The following ZNF814 variants were observed in gnomAD, a reference collection of about 807,000 sequenced individuals.
ZNF814 encodes zinc finger protein 814.
In ZNF814, 5 loss-of-function variants were observed where a neutral mutation model predicts 7.5. That is an observed-to-expected ratio of 0.67 (90% CI 0.35 to 1.40). The LOEUF (loss-of-function observed/expected upper bound fraction) is 1.40, where lower values mean the gene tolerates loss of function less well. Among genes scored for constraint, ZNF814 ranks in the 40% most tolerant of loss-of-function variants. ZNF814 has a pLI of 0.04. For missense variants in ZNF814, 962 were observed against 1,018.0 expected, an observed-to-expected ratio of 0.94 and a Z score of 0.75; for synonymous variants, 315 against 340.7, an observed-to-expected ratio of 0.92 and a Z score of 0.83.
chr19:57,900,839 A>ATTGTTTTTTTTTTTT, the ZNF814 span, among the ~76,000 whole-genome samples: 1 of 45,782 alleles, frequency 2.2e-5, no homozygotes. Flanking sequence ...CCATGGCTGC[A>ATTGTTTTTTTTTTTT]TTTTTTTTTT....
At chr19:57,892,872 A>C (rs972390233), upstream of ZNF814, among the ~76,000 whole-genome samples, 7 of 152,128 alleles carry the variant, frequency 4.6e-5, no homozygotes, top group Non-Finnish European at 8.8e-5. Context: ...TTGCCCAGAG[A>C]CCAAGTTGAA....
At chr19:57,876,291 G>C (rs1212837126) in intron 2 of ZNF814, among the ~76,000 whole-genome samples, 1 of 151,986 alleles carries the variant, frequency 6.6e-6, no homozygotes, top group Non-Finnish European at 1.5e-5. Flanking sequence ...CTCCTTCTGA[G>C]CCTATTATGC....
rs764434066 is a variant in ZNF814, at chr19:57,873,843, C to G, written c.1547G>C (p.Gly516Ala). ...NLVLHQRVHT[G>A]ARPYECGECG... ...TTCTCCACACTCATAAGGTCTTGCT[C>G]CAGTGTGAACTCGCTGGTGTAGAAC... Residue 516 changes from glycine to alanine, a missense_variant, in exon 3 of 3, where the codon GGA (glycine) becomes GCA (alanine). Gly to Ala is a moderately conservative substitution (Grantham distance 60). Around this residue, in one of 7 missense-constraint regions of ZNF814, gnomAD observed 665 missense variants for 551.4 expected, o/e 1.21. Coordinates refer to ENST00000435989, the MANE Select transcript of ZNF814 (RefSeq NM_001144989.2). The G allele has an allele frequency of 5.0e-6, 8 of 1,613,946 alleles. No individual in the cohort carries two copies. The highest frequency in any genetic ancestry group is 6.8e-6 in the Non-Finnish European group (8 of 1,179,970).
chr19:57,899,308 T>G, the ZNF814 span, among the ~76,000 whole-genome samples: 1 of 152,186 alleles, frequency 6.6e-6, no homozygotes, highest in Non-Finnish European at 1.5e-5. Flanking sequence ...TGGATGATAT[T>G]TTATGTGCAG....
chr19:57,872,859 A>T lies in ZNF814; in HGVS notation c.2531T>A (p.Leu844His). ...TCTCCAGTGTGAACTCTGGTGTACA[A>T]GGAGGTGAGACTTCTTGTTAAATAA... is the stretch of plus-strand genomic sequence containing the variant. Reference protein sequence around the residue: ...GKLFNKKSHLLVHQSSHWRKA... With the variant: ...GKLFNKKSHLHVHQSSHWRKA... Residue 844 changes from leucine to histidine, a missense_variant, in exon 3 of 3, where the codon CTT (leucine) becomes CAT (histidine). Physicochemically the swap from Leu to His is moderately conservative, Grantham distance 99. This residue lies in a region of ZNF814 where 665 missense variants were observed against 551.4 expected (regional missense o/e 1.21). Coordinates refer to ENST00000435989, the MANE Select transcript of ZNF814 (RefSeq NM_001144989.2). The T allele has an allele frequency of 6.2e-7, 1 of 1,611,982 alleles. No homozygotes were observed. The highest frequency in any genetic ancestry group is 8.5e-7 in the Non-Finnish European group (1 of 1,179,320).
rs1000045484 is a variant in ZNF814, at chr19:57,869,547, T to C, written c.*3275A>G. On this transcript the variant is annotated 3_prime_UTR_variant, in exon 3 of 3. Transcript: ENST00000435989. ...GGTGTTAAGTTCATTATTGTGACTA[T>C]GTTAATGGTTTCATGGGATTATATG... The C allele has an allele frequency of 6.6e-6, 1 of 152,152 alleles. No homozygotes were observed. 9.4% of individuals were successfully genotyped at this position (152,152 alleles called of 1,614,324 possible).
At position 57,873,465 on chromosome 19, in the gene ZNF814, T is replaced by C. The variant is rs749651347; in HGVS notation, c.1925A>G (p.Asn642Ser). ...YKCGDCGKSF[N>S]EKGHLRNHQR... ...ATGATTCCTAAGGTGTCCTTTTTCA[T>C]TAAAAGATTTCCCACAGTCTCCACA... is the stretch of plus-strand genomic sequence containing the variant. Residue 642 changes from asparagine (N) to serine (S), a missense_variant, in exon 3 of 3, where the codon AAT becomes AGT. Coordinates refer to ENST00000435989, the MANE Select transcript of ZNF814 (RefSeq NM_001144989.2). 11 of 1,613,894 alleles carry C rather than the reference T, an allele frequency of 6.8e-6. No homozygotes were observed. Among genetic ancestry groups the C allele is most frequent in the South Asian group, 3.3e-5 (3 of 91,070 alleles).
In ZNF814 at chr19:57,874,395, G is replaced by A. The variant is rs762926486; in HGVS notation, c.995C>T (p.Ser332Leu). Residue 332 changes from serine (S) to leucine (L), a missense_variant, in exon 3 of 3, where the codon TCG becomes TTG. Coordinates refer to ENST00000435989, the MANE Select transcript of ZNF814 (RefSeq NM_001144989.2). ...RPYECGECGK[S>L]FSKYASFSNH... is the part of the protein sequence containing the mutation. ...ACTGAAGCTAGCATATTTGCTAAAC[G>A]ATTTCCCACATTCTCCACATTCATA... 1.4e-5 allele frequency: 21 copies of A among 1,528,190 alleles called. 1 individual carries two copies. In the South Asian group the frequency reaches 1.9e-4, roughly 14 times the overall value. 94.7% of individuals were successfully genotyped at this position (1,528,190 alleles called of 1,614,324 possible). A position where few individuals can be genotyped will look rare whatever the true frequency, so the allele number is the denominator to read the frequency against.
At chr19:57,892,809 T>C (rs2071740351), upstream of ZNF814, among the ~76,000 whole-genome samples, 1 of 152,248 alleles carries the variant, frequency 6.6e-6, no homozygotes, top group Non-Finnish European at 1.5e-5. Flanking sequence ...AGGCAATGTT[T>C]TTCTCTGTCT....
At chr19:57,897,232 A>C in the ZNF814 span, among the ~76,000 whole-genome samples, 1 of 152,108 alleles carries the variant, frequency 6.6e-6, no homozygotes, top group African/African-American at 2.4e-5. Context: ...TATGAGAGGG[A>C]AGGCTCATTT....
At chr19:57,889,066 G>T (rs1236803270), upstream of ZNF814, 39 of 532,686 alleles carry the variant, frequency 7.3e-5, no homozygotes, top group Non-Finnish European at 8.0e-5. Flanking sequence ...CCGGAAGTCC[G>T]GACCCATTGT....
chr19:57,889,700 A>G (rs2071723310), upstream of ZNF814, among the ~76,000 whole-genome samples: 4 of 152,084 alleles, frequency 2.6e-5, no homozygotes, highest in Admixed American at 2.0e-4. Flanking sequence ...CCCCGCCTCT[A>G]CTAAAAATAC....
chr19:57,872,610 G>C lies in ZNF814; in HGVS notation c.*212C>G. 1 of 1,322,868 alleles carries C rather than the reference G, an allele frequency of 7.6e-7. No individual in the cohort carries two copies. Among genetic ancestry groups the C allele is most frequent in the South Asian group, 1.3e-5 (1 of 74,270 alleles). The allele number at this position is 1,322,868 out of a possible 1,614,324, so 81.9% of individuals were successfully genotyped here. The stretch of plus-strand genomic sequence containing the variant: ...CAGTGTGAACTCTCCTGTGTTTAAT[G>C]AGACTGAAAGTTTCAGCAAAGGATT... On this transcript the variant is annotated 3_prime_UTR_variant, in exon 3 of 3. Coordinates refer to ENST00000435989, the MANE Select transcript of ZNF814 (RefSeq NM_001144989.2).
Position 57,874,182 on chromosome 19 carries a change from G to T in ZNF814, c.1208C>A (p.Thr403Asn). ...ASFSNHQRVH[T>N]DKKHYECGEC... ...TCCACATTCATAATGTTTTTTGTCAGTGTGAACTCTCTGATGATTACTGAA... is the reference window on the plus strand; with the variant it reads ...TCCACATTCATAATGTTTTTTGTCATTGTGAACTCTCTGATGATTACTGAA... The change falls in exon 3 of 3, where the codon ACT (threonine) becomes AAT (asparagine). Residue 403 changes from threonine to asparagine, a missense_variant. By Grantham distance (65) the Thr-to-Asn change is moderately conservative. Around this residue, in one of 7 missense-constraint regions of ZNF814, gnomAD observed 665 missense variants for 551.4 expected, o/e 1.21. Coordinates refer to ENST00000435989, the MANE Select transcript of ZNF814 (RefSeq NM_001144989.2). 6.3e-7 allele frequency: 1 copy of T among 1,583,486 alleles called. No homozygotes were observed. Among genetic ancestry groups the T allele is most frequent in the Non-Finnish European group, 8.6e-7 (1 of 1,164,604 alleles).
rs1377887855 is a variant in ZNF814, at chr19:57,873,166, T to C, written c.2224A>G (p.Arg742Gly). ...CCACAATCATTGCATTCATAAGGCCTTTCTCCAGTGTGAACTCTCTGATGT... is the reference window on the plus strand; with the variant it reads ...CCACAATCATTGCATTCATAAGGCCCTTCTCCAGTGTGAACTCTCTGATGT... ...IAHQRVHTGE[R>G]PYECNDCGKS... Residue 742 changes from arginine (R) to glycine (G), a missense_variant, in exon 3 of 3, where the codon AGG (arginine) becomes GGG (glycine). Physicochemically the swap from Arg to Gly is moderately radical, Grantham distance 125. This residue lies in a region of ZNF814 where 665 missense variants were observed against 551.4 expected (regional missense o/e 1.21). Coordinates refer to ENST00000435989, the MANE Select transcript of ZNF814 (RefSeq NM_001144989.2). 1.9e-6 allele frequency: 3 copies of C among 1,613,626 alleles called. No individual in the cohort carries two copies. The highest frequency in any genetic ancestry group is 2.5e-6 in the Non-Finnish European group (3 of 1,179,882).
At position 57,870,081 on chromosome 19, in the gene ZNF814, A is replaced by C. The variant is rs2071544164; in HGVS notation, c.*2741T>G. On this transcript the variant is annotated 3_prime_UTR_variant, in exon 3 of 3. Coordinates refer to ENST00000435989, the MANE Select transcript of ZNF814 (RefSeq NM_001144989.2). ...TGGTGAAACCCCATCTCTAGTAAAGATACAAAAAATTAGCTGGGTATGGTG... is the reference window on the plus strand; with the variant it reads ...TGGTGAAACCCCATCTCTAGTAAAGCTACAAAAAATTAGCTGGGTATGGTG... The C allele has an allele frequency of 6.6e-6, 1 of 152,040 alleles. No individual in the cohort carries two copies. The allele number at this position is 152,040 out of a possible 1,614,324, so 9.4% of individuals were successfully genotyped here.
Position 57,877,058 on chromosome 19 carries a change from C to T in ZNF814, c.37-16G>A. 2 of 1,613,450 alleles carry T rather than the reference C, an allele frequency of 1.2e-6. No homozygotes were observed. Among genetic ancestry groups the T allele is most frequent in the Non-Finnish European group, 1.7e-6 (2 of 1,179,596 alleles). On this transcript the variant is annotated splice_polypyrimidine_tract_variant and intron_variant, in intron 1 of 2. Coordinates refer to ENST00000435989, the MANE Select transcript of ZNF814 (RefSeq NM_001144989.2). ...TCACTGTGCCCTGTTATGATGTTGA[C>T]AGATGAAACTACAAACTGCCCCTAT...
upstream of ZNF814, among the ~76,000 whole-genome samples, chr19:57,892,665 G>A (rs1286615100): frequency 1.3e-5 from 2 of 152,180 alleles, no homozygotes; most frequent in Admixed American, 1.3e-4. Flanking sequence ...GAAAACTTGC[G>A]AGCTGATGGG....
intron 1 of ZNF814, among the ~76,000 whole-genome samples, chr19:57,888,226 G>T (rs10417721): frequency 0.061 from 9,247 of 152,170 alleles, 337 homozygotes; most frequent in Middle Eastern, 0.078. Context: ...GACTGACTTG[G>T]GGAGTGTCTT....
Sources: allele counts gnomAD v4.1 joint callset (sites outside exome capture counted in the v4.1 genomes callset), GRCh38; gene constraint gnomAD v4.1.1; regional missense constraint gnomAD v4.1.1; transcripts MANE v1.5; gene names NCBI Gene and HGNC (gene_info 2026-07-23, HGNC 2026-07-21).